The following CSMD1 variants were observed in gnomAD, a reference collection of about 807,000 sequenced individuals.
The protein encoded by CSMD1 is CUB and sushi domain-containing protein 1.
A neutral mutation model predicts 417.5 loss-of-function variants in CSMD1; 213 were observed. That is an observed-to-expected ratio of 0.51 (90% CI 0.46 to 0.57). The LOEUF (loss-of-function observed/expected upper bound fraction) is 0.57, where lower values mean the gene tolerates loss of function less well. Among genes scored for constraint, CSMD1 ranks in the 20% least tolerant of loss-of-function variants. The pLI, the probability that CSMD1 is intolerant of heterozygous loss-of-function variation, is 0.00. For synonymous variants in CSMD1, 2,862 were observed against 1,736.8 expected (o/e 1.65, Z -16.11); for missense variants, 6,923 against 4,529.7 (o/e 1.53, Z -15.17).
chr8:4,077,363 G>A (rs988202364), intron 3 of CSMD1, among the ~76,000 whole-genome samples: 6 of 140,276 alleles, frequency 4.3e-5, no homozygotes, highest in Non-Finnish European at 9.3e-5. Flanking sequence ...TTTTTTATCA[G>A]AGGTATCTTT....
chr8:3,554,772 A>G (rs1585356059), intron 10 of CSMD1, among the ~76,000 whole-genome samples: 1 of 152,262 alleles, frequency 6.6e-6, no homozygotes. Context: ...GAGGGAGTAA[A>G]TCTACAAAGT....
At chr8:4,338,604 G>T (rs867561777) in intron 3 of CSMD1, among the ~76,000 whole-genome samples, 1 of 152,052 alleles carries the variant, frequency 6.6e-6, no homozygotes, top group African/African-American at 2.4e-5. Flanking sequence ...TAGAAACACA[G>T]CAATTAAATC....
intron 3 of CSMD1, among the ~76,000 whole-genome samples, chr8:4,192,381 C>T (rs1287076479): frequency 6.6e-6 from 1 of 152,108 alleles, no homozygotes; most frequent in Non-Finnish European, 1.5e-5. Flanking sequence ...CTTTCTCTTG[C>T]TCTCTTTGGC....
chr8:3,497,022 T>G (rs891784813), intron 10 of CSMD1, among the ~76,000 whole-genome samples: 2 of 152,218 alleles, frequency 1.3e-5, no homozygotes, highest in Admixed American at 1.3e-4. Flanking sequence ...TGATTTAGAT[T>G]TTTAAAAAAT....
intron 50 of CSMD1, among the ~76,000 whole-genome samples, chr8:3,029,864 C>G (rs964437931): frequency 3.3e-5 from 5 of 152,148 alleles, no homozygotes; most frequent in African/African-American, 1.2e-4. Flanking sequence ...TATAATTTCC[C>G]TCAATATCCT....
intron 3 of CSMD1, among the ~76,000 whole-genome samples, chr8:4,077,306 T>TATATATAC (rs1799880413): frequency 7.2e-6 from 1 of 138,580 alleles, no homozygotes; most frequent in African/African-American, 2.7e-5. Flanking sequence ...TGTATATATA[T>TATATATAC]ATATATATAT....
chr8:3,754,464 A>T (rs1039845398), intron 5 of CSMD1, among the ~76,000 whole-genome samples: 19 of 150,304 alleles, frequency 1.3e-4, no homozygotes, highest in Admixed American at 1.1e-3. Context: ...TTATTTATTT[A>T]TTTATTTTGA....
intron 1 of CSMD1, among the ~76,000 whole-genome samples, chr8:4,969,156 A>G (rs897259537): frequency 2.6e-5 from 4 of 152,036 alleles, no homozygotes; most frequent in Non-Finnish European, 5.9e-5. Flanking sequence ...TTATTATACC[A>G]TTATCATGGG....
intron 10 of CSMD1, among the ~76,000 whole-genome samples, chr8:3,547,471 C>T (rs1016617892): frequency 7.2e-5 from 11 of 152,110 alleles, no homozygotes; most frequent in African/African-American, 2.2e-4. Context: ...AATGATTGTC[C>T]GTAATGTTTT....
At chr8:4,837,660 A>G (rs532231352) in intron 1 of CSMD1, among the ~76,000 whole-genome samples, 80 of 152,218 alleles carry the variant, frequency 5.3e-4, no homozygotes, top group Non-Finnish European at 9.7e-4. Context: ...AACAGGTACA[A>G]AAAAAAGTTA....
intron 7 of CSMD1, among the ~76,000 whole-genome samples, chr8:3,677,004 G>A (rs983354695): frequency 2.6e-5 from 4 of 152,038 alleles, no homozygotes; most frequent in African/African-American, 9.7e-5. Context: ...GGCCTGTTGC[G>A]GGGTTGGGGG....
chr8:4,519,248 T>A lies in CSMD1; in HGVS notation c.303-99183A>T, dbSNP rs578144882. Among the ~76,000 whole-genome samples, 3 of 152,226 alleles carry A rather than the reference T, an allele frequency of 2.0e-5. No homozygotes were observed. The East Asian group carries it at 5.8e-4, about 29-fold the overall frequency. On this transcript the variant is annotated intron_variant, in intron 2 of 69. Coordinates refer to ENST00000635120, the MANE Select transcript of CSMD1 (RefSeq NM_033225.6). ...TGTTGCCTTCTCAATGCATACTCAA[T>A]GCTGGCCTGGCAAATTATATGGAAT...
At chr8:3,887,378 A>G (rs1806636696) in intron 5 of CSMD1, among the ~76,000 whole-genome samples, 1 of 152,190 alleles carries the variant, frequency 6.6e-6, no homozygotes, top group South Asian at 2.1e-4. Context: ...CTCTTTCCAG[A>G]TGTATCCAAG....
chr8:4,842,924 T>C (rs1800924963), intron 1 of CSMD1, among the ~76,000 whole-genome samples: 1 of 152,232 alleles, frequency 6.6e-6, no homozygotes, highest in South Asian at 2.1e-4. Flanking sequence ...GGTTATATAA[T>C]CCTGGATGAC....
intron 49 of CSMD1, among the ~76,000 whole-genome samples, chr8:3,064,277 G>A (rs149881749): frequency 6.6e-6 from 1 of 152,184 alleles, no homozygotes; most frequent in Admixed American, 6.5e-5. Context: ...GCGGGGCCTG[G>A]TGGGAGGTGA....
At chr8:3,137,156 G>C (rs139779017) in intron 41 of CSMD1, among the ~76,000 whole-genome samples, 21 of 152,148 alleles carry the variant, frequency 1.4e-4, no homozygotes, top group Non-Finnish European at 2.2e-4. Context: ...TATTATTGTT[G>C]ACTACAGTCA....
chr8:4,028,237 C>T (rs1174963096), intron 4 of CSMD1, among the ~76,000 whole-genome samples: 1 of 152,102 alleles, frequency 6.6e-6, no homozygotes, highest in Non-Finnish European at 1.5e-5. Flanking sequence ...TACGATTAAT[C>T]CCAAATCTAA....
chr8:3,390,632 T>A (rs1811294207), intron 17 of CSMD1, among the ~76,000 whole-genome samples: 1 of 151,966 alleles, frequency 6.6e-6, no homozygotes. Flanking sequence ...AATGAATTTT[T>A]GATACAAATA....
intron 3 of CSMD1, among the ~76,000 whole-genome samples, chr8:4,391,191 C>T (rs182376620): frequency 3.9e-4 from 60 of 152,244 alleles, no homozygotes; most frequent in African/African-American, 1.3e-3. Flanking sequence ...CAAGCTGTTT[C>T]CTGAAAAGTT....
Sources: allele counts gnomAD v4.1 joint callset (sites outside exome capture counted in the v4.1 genomes callset), GRCh38; gene constraint gnomAD v4.1.1; transcripts MANE v1.5; gene names NCBI Gene and HGNC (gene_info 2026-07-23, HGNC 2026-07-21).